The following PRR16 variants were observed in gnomAD, a reference collection of about 807,000 sequenced individuals.
PRR16 encodes proline rich 16.
A neutral mutation model predicts 18.2 loss-of-function variants in PRR16; 6 were observed. That is an observed-to-expected ratio of 0.33 (90% CI 0.18 to 0.65). The LOEUF is 0.65. PRR16 is among the 30% of genes least tolerant of loss of function. PRR16 has a pLI of 0.74. For synonymous variants in PRR16, 151 were observed against 147.8 expected (o/e 1.02, Z -0.16); for missense variants, 412 against 376.6 (o/e 1.09, Z -0.78).
intron 1 of PRR16, among the ~76,000 whole-genome samples, chr5:120,563,915 C>T (rs35239272): frequency 0.052 from 7,909 of 152,254 alleles, 304 homozygotes; most frequent in Middle Eastern, 0.082. Flanking sequence ...GCATACTAAA[C>T]GGGTATTACT....
chr5:120,530,040 A>T (rs1751493420), intron 1 of PRR16, among the ~76,000 whole-genome samples: 1 of 151,148 alleles, frequency 6.6e-6, no homozygotes, highest in African/African-American at 2.4e-5. Flanking sequence ...TGAAGTTTAT[A>T]TTCTTAAAAC....
At chr5:120,610,009 C>T (rs1561572608) in intron 1 of PRR16, among the ~76,000 whole-genome samples, 1 of 152,172 alleles carries the variant, frequency 6.6e-6, no homozygotes. Flanking sequence ...GGCAGTCCTG[C>T]CACAGTCTAA....
intron 1 of PRR16, among the ~76,000 whole-genome samples, chr5:120,583,313 ATG>A (rs35255792): frequency 0.29 from 43,498 of 148,668 alleles, 6,554 homozygotes; most frequent in East Asian, 0.61. Flanking sequence ...ATACAAAATA[ATG>A]TGTGTGTGTG....
intron 1 of PRR16, among the ~76,000 whole-genome samples, chr5:120,610,635 T>C (rs147657288): frequency 8.3e-4 from 126 of 152,262 alleles, no homozygotes; most frequent in African/African-American, 2.9e-3. Flanking sequence ...TTATTCCTCA[T>C]TTTCTCTTGC....
intron 1 of PRR16, among the ~76,000 whole-genome samples, chr5:120,622,815 C>T (rs187828078): frequency 6.6e-6 from 1 of 152,204 alleles, no homozygotes; most frequent in East Asian, 1.9e-4. Context: ...TTCTTGCACT[C>T]TTTAAATCCT....
chr5:120,671,694 T>A lies in PRR16; in HGVS notation c.160-14260T>A, dbSNP rs140146211. Among the ~76,000 whole-genome samples, 12 of 152,296 alleles carry A rather than the reference T, an allele frequency of 7.9e-5. No individual in the cohort carries two copies. The East Asian group carries it at 2.3e-3, about 29-fold the overall frequency. ...TGTCAAAATGTCATTTTAATGTAAA[T>A]GTAAATATTTATTTAAAAATATTGA... On this transcript the variant is annotated intron_variant, in intron 1 of 1. Coordinates refer to ENST00000407149, the MANE Select transcript of PRR16 (RefSeq NM_001300783.2).
intron 1 of PRR16, among the ~76,000 whole-genome samples, chr5:120,486,666 C>T (rs889263260): frequency 2.6e-5 from 4 of 152,122 alleles, no homozygotes; most frequent in African/African-American, 9.7e-5. Flanking sequence ...TCCCATTTGC[C>T]ATTTTTGTCT....
At chr5:120,564,754 A>C (rs2112723534) in intron 1 of PRR16, among the ~76,000 whole-genome samples, 1 of 152,246 alleles carries the variant, frequency 6.6e-6, no homozygotes, top group South Asian at 2.1e-4. Flanking sequence ...TGGGAGGCTG[A>C]GTTGGGCGGA....
the PRR16 span, among the ~76,000 whole-genome samples, chr5:120,767,478 A>T: frequency 4.0e-5 from 6 of 151,546 alleles, no homozygotes; most frequent in South Asian, 2.1e-4. Context: ...AAGTGATGTC[A>T]GGAAAGACAT....
the PRR16 span, among the ~76,000 whole-genome samples, chr5:120,754,413 C>CTATATATTATATAATATATAG: frequency 4.1e-5 from 1 of 24,194 alleles, no homozygotes; most frequent in African/African-American, 2.1e-4. Context: ...ATACTATATA[C>CTATATATTATATAATATATAG]TATATATTAT....
At chr5:120,635,203 A>G (rs1233425928) in intron 1 of PRR16, among the ~76,000 whole-genome samples, 1 of 152,126 alleles carries the variant, frequency 6.6e-6, no homozygotes, top group Non-Finnish European at 1.5e-5. Flanking sequence ...AAGAATTGGT[A>G]CCAATTTGTT....
At chr5:120,479,963 A>G (rs1749557144) in intron 1 of PRR16, among the ~76,000 whole-genome samples, 2 of 152,320 alleles carry the variant, frequency 1.3e-5, no homozygotes, top group Admixed American at 6.5e-5. Flanking sequence ...CACTTGTGGA[A>G]GTACTTTATG....
the PRR16 span, among the ~76,000 whole-genome samples, chr5:120,789,712 A>G: frequency 1.3e-5 from 2 of 152,254 alleles, no homozygotes; most frequent in African/African-American, 4.8e-5. Context: ...TAATTTAGGT[A>G]TAATCATACT....
At chr5:120,684,903 C>T (rs1027101548) in intron 1 of PRR16, among the ~76,000 whole-genome samples, 21 of 152,202 alleles carry the variant, frequency 1.4e-4, no homozygotes, top group African/African-American at 5.1e-4. Flanking sequence ...GATGCCTCTG[C>T]CAGCCTTATC....
chr5:120,490,020 A>C (rs1580637367), intron 1 of PRR16, among the ~76,000 whole-genome samples: 2 of 152,084 alleles, frequency 1.3e-5, no homozygotes, highest in African/African-American at 4.8e-5. Flanking sequence ...CCGAGAGATC[A>C]GCTGTTAGTC....
chr5:120,734,975 A>G, the PRR16 span, among the ~76,000 whole-genome samples: 1 of 152,088 alleles, frequency 6.6e-6, no homozygotes, highest in Admixed American at 6.5e-5. Flanking sequence ...AATCTTTTTC[A>G]TTTTGGGAAG....
At chr5:120,605,723 T>G (rs1362365564) in intron 1 of PRR16, among the ~76,000 whole-genome samples, 1 of 152,152 alleles carries the variant, frequency 6.6e-6, no homozygotes, top group African/African-American at 2.4e-5. Flanking sequence ...TAGGGTTTGA[T>G]TGTGATATCA....
Position 120,686,302 on chromosome 5 carries a change from G to A in PRR16, c.508G>A (p.Asp170Asn), listed in dbSNP as rs987175781. ...TGGACCTAACAAAATTCCAAATGGAGATATCTGCTGCATACCCAACAGTAA... is the reference window on the plus strand; with the variant it reads ...TGGACCTAACAAAATTCCAAATGGAAATATCTGCTGCATACCCAACAGTAA... ...PGGPNKIPNG[D>N]ICCIPNSNLD... The change falls in exon 2 of 2, where the codon GAT becomes AAT. Residue 170 changes from aspartate to asparagine, a missense_variant. Transcript: ENST00000407149. The A allele has an allele frequency of 3.1e-6, 5 of 1,613,974 alleles. No homozygotes were observed. Among genetic ancestry groups the A allele is most frequent in the Non-Finnish European group, 4.2e-6 (5 of 1,180,028 alleles).
the PRR16 span, among the ~76,000 whole-genome samples, chr5:120,733,653 T>C: frequency 6.6e-6 from 1 of 152,168 alleles, no homozygotes; most frequent in Non-Finnish European, 1.5e-5. Flanking sequence ...AACATTGTTG[T>C]TATGCAACTG....
Sources: allele counts gnomAD v4.1 joint callset (sites outside exome capture counted in the v4.1 genomes callset), GRCh38; gene constraint gnomAD v4.1.1; transcripts MANE v1.5; gene names NCBI Gene and HGNC (gene_info 2026-07-23, HGNC 2026-07-21).